MET: variants seen among roughly 807,000 people sequenced by gnomAD.
MET encodes the protein hepatocyte growth factor receptor.
A neutral mutation model predicts 133.1 loss-of-function variants in MET; 48 were observed. The observed-to-expected ratio is 0.36, with a 90% CI of 0.29 to 0.46. The LOEUF (loss-of-function observed/expected upper bound fraction) is 0.46. MET is among the 20% of genes least tolerant of loss of function. The pLI is 1.00. For synonymous variants in MET, 628 were observed against 616.5 expected, an observed-to-expected ratio of 1.02 and a Z score of -0.28; for missense variants, 1,442 against 1,695.9, an observed-to-expected ratio of 0.85 and a Z score of 2.63.
At chr7:116,793,476 T>C (rs1369815398) in intron 19 of MET, among the ~76,000 whole-genome samples, 1 of 151,654 alleles carries the variant, frequency 6.6e-6, no homozygotes, top group Non-Finnish European at 1.5e-5. Flanking sequence ...TGTCCCGTCC[T>C]GTCTAACCCA....
chr7:116,696,270 A>G (rs1277209546), intron 1 of MET, among the ~76,000 whole-genome samples: 2 of 152,126 alleles, frequency 1.3e-5, no homozygotes, highest in African/African-American at 4.8e-5. Context: ...TTAACCATCA[A>G]GTGACTTGAG....
intron 1 of MET, among the ~76,000 whole-genome samples, chr7:116,677,341 C>T (rs1796198286): frequency 6.6e-6 from 1 of 152,172 alleles, no homozygotes; most frequent in South Asian, 2.1e-4. Context: ...TTCCCTTATT[C>T]CCCTATTTAT....
intron 2 of MET, among the ~76,000 whole-genome samples, chr7:116,712,706 A>G (rs1792045638): frequency 6.6e-6 from 1 of 151,472 alleles, no homozygotes; most frequent in Non-Finnish European, 1.5e-5. Flanking sequence ...TCCCCCCCAC[A>G]CACACCCTCC....
chr7:116,686,193 C>T (rs1213012774), intron 1 of MET, among the ~76,000 whole-genome samples: 1 of 152,190 alleles, frequency 6.6e-6, no homozygotes, highest in African/African-American at 2.4e-5. Flanking sequence ...CTCCCAGGGG[C>T]CTACAAGGCC....
intron 19 of MET, among the ~76,000 whole-genome samples, chr7:116,794,288 A>G (rs1795605632): frequency 6.6e-6 from 1 of 152,202 alleles, no homozygotes; most frequent in Non-Finnish European, 1.5e-5. Context: ...TTAAATGTTA[A>G]TGCATATTCT....
At chr7:116,703,531 A>G (rs1791655663) in intron 2 of MET, among the ~76,000 whole-genome samples, 1 of 152,164 alleles carries the variant, frequency 6.6e-6, no homozygotes, top group Non-Finnish European at 1.5e-5. Context: ...ACCTTTGTAA[A>G]GGCCCATATG....
intron 12 of MET, among the ~76,000 whole-genome samples, chr7:116,770,577 A>G (rs760727499): frequency 3.3e-5 from 5 of 152,104 alleles, no homozygotes; most frequent in Admixed American, 3.3e-4. Context: ...GCAGCTCCAC[A>G]TACCCTTCTC....
intron 5 of MET, among the ~76,000 whole-genome samples, chr7:116,746,662 G>C (rs1197734792): frequency 6.6e-6 from 1 of 151,650 alleles, no homozygotes; most frequent in African/African-American, 2.4e-5. Flanking sequence ...CCATCATTCT[G>C]AGCAAACTAT....
At chr7:116,738,770 T>A (rs1182854061) in intron 3 of MET, among the ~76,000 whole-genome samples, 1 of 152,202 alleles carries the variant, frequency 6.6e-6, no homozygotes, top group Non-Finnish European at 1.5e-5. Flanking sequence ...AAGAAAAAAT[T>A]TACAATTGTT....
At chr7:116,716,467 G>GAAAA (rs1404524774) in intron 2 of MET, among the ~76,000 whole-genome samples, 2 of 108,196 alleles carry the variant, frequency 1.8e-5, no homozygotes, top group African/African-American at 7.1e-5. Context: ...AAGAAAGAAA[G>GAAAA]AGAAAGAAAG....
chr7:116,695,751 G>T, intron 1 of MET: 1 of 489,404 alleles, frequency 2.0e-6, no homozygotes, highest in Non-Finnish European at 4.2e-6. Context: ...TCTTCACAGG[G>T]TGGTGATGAA....
At chr7:116,693,040 T>G (rs1796830409) in intron 1 of MET, among the ~76,000 whole-genome samples, 1 of 152,160 alleles carries the variant, frequency 6.6e-6, no homozygotes, top group Middle Eastern at 3.2e-3. Context: ...ATATGAAAAG[T>G]GAAAGTATTT....
intron 19 of MET, among the ~76,000 whole-genome samples, chr7:116,788,628 C>A (rs1265068248): frequency 6.6e-6 from 1 of 152,204 alleles, no homozygotes; most frequent in Non-Finnish European, 1.5e-5. Flanking sequence ...TTTTGTGCTA[C>A]ATAAAGGCTG....
At chr7:116,693,926 A>G (rs973726380) in intron 1 of MET, among the ~76,000 whole-genome samples, 2 of 152,228 alleles carry the variant, frequency 1.3e-5, no homozygotes, top group African/African-American at 4.8e-5. Context: ...AACTCTCACA[A>G]GTGAGGTAGG....
At chr7:116,714,350 T>C (rs1792112145) in intron 2 of MET, among the ~76,000 whole-genome samples, 1 of 152,242 alleles carries the variant, frequency 6.6e-6, no homozygotes, top group African/African-American at 2.4e-5. Context: ...TAAACCCATA[T>C]ACACATATAC....
chr7:116,699,516 T>A lies in MET; in HGVS notation c.432T>A (p.His144Gln), dbSNP rs2116588696. Reference protein sequence around the residue: ...GSVNRGTCQRHVFPHNHTADI... With the variant: ...GSVNRGTCQRQVFPHNHTADI... ...TCAACAGAGGGACCTGCCAGCGACA[T>A]GTCTTTCCCCACAATCATACTGCTG... is the stretch of plus-strand genomic sequence containing the variant. Residue 144 changes from histidine to glutamine, a missense_variant, in exon 2 of 21, where the codon CAT (histidine) becomes CAA (glutamine). This residue lies in a region of MET where 762 missense variants were observed against 792.4 expected (regional missense o/e 0.96). Transcript: ENST00000397752. The A allele has an allele frequency of 6.2e-7, 1 of 1,614,064 alleles. No homozygotes were observed. Among genetic ancestry groups the A allele is most frequent in the South Asian group, 1.1e-5 (1 of 91,076 alleles).
intron 1 of MET, among the ~76,000 whole-genome samples, chr7:116,687,778 A>T (rs1219801720): frequency 6.6e-6 from 1 of 152,228 alleles, no homozygotes; most frequent in Non-Finnish European, 1.5e-5. Context: ...AGAAAATAGC[A>T]CTACAAGGAA....
chr7:116,795,059 G>A (rs756965131), intron 19 of MET, among the ~76,000 whole-genome samples: 1 of 152,090 alleles, frequency 6.6e-6, no homozygotes, highest in Non-Finnish European at 1.5e-5. Context: ...TATGAATCTA[G>A]TACTTTCACA....
chr7:116,763,313 T>G lies in MET; in HGVS notation c.2583+45T>G, dbSNP rs768994279. ...CTGTCTTAAATCATCAGCTCAAACT[T>G]AATTGACTTCATAGCTATGTGAATA... On this transcript the variant is annotated intron_variant, in intron 11 of 20. Coordinates refer to ENST00000397752, the MANE Select transcript of MET (RefSeq NM_000245.4). The G allele has an allele frequency of 6.5e-7, 1 of 1,527,226 alleles. No homozygotes were observed. The highest frequency in any genetic ancestry group is 1.7e-4 in the Middle Eastern group (1 of 5,910). 94.6% of individuals were successfully genotyped at this position (1,527,226 alleles called of 1,614,324 possible).
Sources: allele counts gnomAD v4.1 joint callset (sites outside exome capture counted in the v4.1 genomes callset), GRCh38; gene constraint gnomAD v4.1.1; regional missense constraint gnomAD v4.1.1; transcripts MANE v1.5; gene names NCBI Gene and HGNC (gene_info 2026-07-23, HGNC 2026-07-21).